NLGN1: variants seen among roughly 807,000 people sequenced by gnomAD.
NLGN1 encodes the protein neuroligin 1, also known as neuroligin-1.
NLGN1 carries 12 observed loss-of-function variants against 65.5 expected under a neutral mutation model. The ratio of observed to expected loss-of-function variants is 0.18; its 90% CI spans 0.12 to 0.30. The LOEUF (loss-of-function observed/expected upper bound fraction) is 0.30. Ranked by LOEUF, NLGN1 falls within the 10% of genes least tolerant of loss-of-function variation. The pLI, the probability that NLGN1 is intolerant of heterozygous loss-of-function variation, is 1.00. For synonymous variants in NLGN1, 350 were observed against 359.5 expected, an observed-to-expected ratio of 0.97 and a Z score of 0.30; for missense variants, 750 against 1,007.1, an observed-to-expected ratio of 0.74 and a Z score of 3.46.
At chr3:173,701,699 T>C (rs567141020) in intron 3 of NLGN1, among the ~76,000 whole-genome samples, 36 of 152,338 alleles carry the variant, frequency 2.4e-4, no homozygotes, top group African/African-American at 7.2e-4. Flanking sequence ...AACAGAGTGA[T>C]TCAGACACAG....
downstream of NLGN1, among the ~76,000 whole-genome samples, chr3:174,288,893 A>G (rs1177104585): frequency 1.3e-5 from 2 of 151,494 alleles, no homozygotes; most frequent in African/African-American, 2.4e-5. Flanking sequence ...AAAATTCTAA[A>G]TGCACTATTG....
At chr3:173,667,787 G>T in intron 3 of NLGN1, among the ~76,000 whole-genome samples, 1 of 152,026 alleles carries the variant, frequency 6.6e-6, no homozygotes. Context: ...GCACCACCAC[G>T]CCTGGCTCAC....
At chr3:173,604,292 A>G (rs767159186) in exon 3 of NLGN1, 15 of 342,016 alleles carry the variant, frequency 4.4e-5, no homozygotes, top group Admixed American at 8.9e-5. Flanking sequence ...ATAGACCTGC[A>G]GCTAACTGGA....
intron 4 of NLGN1, among the ~76,000 whole-genome samples, chr3:173,862,064 C>T (rs556836847): frequency 1.3e-5 from 2 of 151,876 alleles, no homozygotes; most frequent in East Asian, 1.9e-4. Context: ...CCACCACACC[C>T]GGCCAATTTT....
chr3:173,761,734 T>A (rs1221696168), intron 3 of NLGN1, among the ~76,000 whole-genome samples: 3 of 152,052 alleles, frequency 2.0e-5, no homozygotes, highest in African/African-American at 7.2e-5. Context: ...AAATAAGACC[T>A]TAGCCACCAT....
intron 2 of NLGN1, among the ~76,000 whole-genome samples, chr3:173,571,780 G>A (rs1486973202): frequency 6.6e-6 from 1 of 152,064 alleles, no homozygotes; most frequent in Non-Finnish European, 1.5e-5. Context: ...TGTTGGTGGT[G>A]ATCTTTTAAT....
At chr3:173,594,053 A>G (rs1291641177) in intron 2 of NLGN1, among the ~76,000 whole-genome samples, 1 of 152,214 alleles carries the variant, frequency 6.6e-6, no homozygotes, top group African/African-American at 2.4e-5. Context: ...GTGGGGACAT[A>G]GAGCCATACC....
chr3:173,605,984 G>T (rs1751347983), intron 3 of NLGN1, among the ~76,000 whole-genome samples: 1 of 151,978 alleles, frequency 6.6e-6, no homozygotes, highest in African/African-American at 2.4e-5. Flanking sequence ...CTTAGAATTT[G>T]ATCACTCAAT....
At chr3:174,131,347 A>G (rs1339165664) in intron 4 of NLGN1, among the ~76,000 whole-genome samples, 1 of 152,302 alleles carries the variant, frequency 6.6e-6, no homozygotes, top group East Asian at 1.9e-4. Flanking sequence ...ACGTTTTCAC[A>G]CATAGTCCTT....
chr3:174,243,487 T>TAG (rs1305059323), intron 4 of NLGN1, among the ~76,000 whole-genome samples: 20 of 152,346 alleles, frequency 1.3e-4, no homozygotes, highest in African/African-American at 4.8e-4. Flanking sequence ...TAGAAACTTT[T>TAG]AGTTAATATT....
intron 2 of NLGN1, among the ~76,000 whole-genome samples, chr3:173,548,483 ATT>A (rs11343702): frequency 1.9e-3 from 279 of 145,704 alleles, no homozygotes; most frequent in African/African-American, 4.5e-3. Context: ...AGCACCTCAC[ATT>A]TTTTTTTTTT....
intron 2 of NLGN1, among the ~76,000 whole-genome samples, chr3:173,547,647 T>C (rs1740114135): frequency 6.6e-6 from 1 of 152,202 alleles, no homozygotes; most frequent in African/African-American, 2.4e-5. Flanking sequence ...CTTCTCTTCA[T>C]ACTAGGTATT....
At chr3:173,556,497 A>T (rs1741721243) in intron 2 of NLGN1, among the ~76,000 whole-genome samples, 1 of 152,148 alleles carries the variant, frequency 6.6e-6, no homozygotes, top group Non-Finnish European at 1.5e-5. Flanking sequence ...ATTTCTAAAT[A>T]TATGGATGTG....
rs1717389957 is a variant in NLGN1, at chr3:173,976,119, G to T, written c.646+168287G>T. Among the ~76,000 whole-genome samples the T allele has an allele frequency of 2.6e-5, 4 of 151,960 alleles. No individual in the cohort carries two copies. In the South Asian group the frequency reaches 8.3e-4, roughly 32 times the overall value. On this transcript the variant is annotated intron_variant, in intron 4 of 6. Transcript: ENST00000457714. Reference sequence around the variant, plus strand: ...AAATATTCTACAACTCTACATTCAGGGTTTTTATTACGTTATTCAACTATG... The same window carrying T: ...AAATATTCTACAACTCTACATTCAGTGTTTTTATTACGTTATTCAACTATG...
intron 3 of NLGN1, among the ~76,000 whole-genome samples, chr3:173,729,133 G>A (rs920548671): frequency 6.6e-6 from 1 of 152,034 alleles, no homozygotes; most frequent in Admixed American, 6.6e-5. Flanking sequence ...CATACTGGTA[G>A]TAATTTTTGA....
chr3:173,773,681 G>T (rs1779901676), intron 3 of NLGN1, among the ~76,000 whole-genome samples: 1 of 152,118 alleles, frequency 6.6e-6, no homozygotes, highest in Non-Finnish European at 1.5e-5. Context: ...AGATATAATG[G>T]TAGGAACAAA....
intron 3 of NLGN1, among the ~76,000 whole-genome samples, chr3:173,788,543 G>A (rs1433045060): frequency 6.6e-6 from 1 of 151,798 alleles, no homozygotes; most frequent in Non-Finnish European, 1.5e-5. Flanking sequence ...TATGAAATTG[G>A]TATAAATTAT....
At chr3:173,728,373 T>C (rs573585630) in intron 3 of NLGN1, among the ~76,000 whole-genome samples, 1 of 152,236 alleles carries the variant, frequency 6.6e-6, no homozygotes, top group South Asian at 2.1e-4. Context: ...AGGTGGACTT[T>C]GCATGTATGT....
At chr3:173,805,241 T>A (rs1459449772) in intron 3 of NLGN1, among the ~76,000 whole-genome samples, 1 of 152,170 alleles carries the variant, frequency 6.6e-6, no homozygotes, top group Non-Finnish European at 1.5e-5. Context: ...ATACTTTTTA[T>A]AACCTAAATC....
Sources: gnomAD v4.1 joint callset for allele counts (sites outside exome capture counted in the v4.1 genomes callset) on GRCh38, gnomAD v4.1.1 for gene constraint, MANE v1.5 for transcripts, NCBI Gene and HGNC (gene_info 2026-07-23, HGNC 2026-07-21) for gene names.